The following SRPK2 variants were observed in gnomAD, a reference collection of about 807,000 sequenced individuals.
SRPK2 encodes SRSF protein kinase 2.
Under a neutral mutation model 90.8 loss-of-function variants are expected in SRPK2, and 21 were observed. The observed-to-expected ratio is 0.23, with a 90% CI of 0.16 to 0.33. SRPK2 has a LOEUF of 0.33. Ranked by LOEUF, SRPK2 falls within the 10% of genes least tolerant of loss-of-function variation. The pLI is 1.00. For missense variants in SRPK2, 620 were observed against 869.0 expected (o/e 0.71, Z 3.60); for synonymous variants, 288 against 311.1 (o/e 0.93, Z 0.78).
intron 3 of SRPK2, among the ~76,000 whole-genome samples, chr7:105,174,569 A>G (rs1356246857): frequency 6.6e-6 from 1 of 152,162 alleles, no homozygotes; most frequent in Non-Finnish European, 1.5e-5. Context: ...AATGATTAAA[A>G]AAAGGAAGGG....
chr7:105,183,755 G>C (rs2129600083), intron 3 of SRPK2, among the ~76,000 whole-genome samples: 1 of 152,242 alleles, frequency 6.6e-6, no homozygotes, highest in South Asian at 2.1e-4. Flanking sequence ...CTCCCAAACT[G>C]CTAGGGTTAC....
intron 3 of SRPK2, among the ~76,000 whole-genome samples, chr7:105,182,453 C>CT (rs71152944): frequency 0.035 from 4,080 of 116,480 alleles, 272 homozygotes; most frequent in African/African-American, 0.12. Context: ...CCCCCCCCGC[C>CT]TTTTTTTTTT....
chr7:105,172,766 C>G (rs1020205652), intron 3 of SRPK2, among the ~76,000 whole-genome samples: 6 of 152,144 alleles, frequency 3.9e-5, no homozygotes, highest in Non-Finnish European at 8.8e-5. Context: ...GCTTCCTGGT[C>G]TTAGTACACA....
At chr7:105,130,762 TG>T (rs1801885753) in intron 13 of SRPK2, among the ~76,000 whole-genome samples, 1 of 149,242 alleles carries the variant, frequency 6.7e-6, no homozygotes, top group Admixed American at 6.7e-5. Context: ...CCATGACTTT[TG>T]GGGGGTGGGG....
At chr7:105,380,521 ATTTT>A (rs35323315) in intron 2 of SRPK2, among the ~76,000 whole-genome samples, 10 of 107,284 alleles carry the variant, frequency 9.3e-5, no homozygotes, top group South Asian at 3.1e-4. Flanking sequence ...ACATGCTAAA[ATTTT>A]TTTTTTTTTT....
chr7:105,283,697 T>C (rs1484188319), intron 2 of SRPK2, among the ~76,000 whole-genome samples: 1 of 152,176 alleles, frequency 6.6e-6, no homozygotes, highest in Non-Finnish European at 1.5e-5. Flanking sequence ...AGTGGTAGTT[T>C]CAAAATATTG....
intron 2 of SRPK2, among the ~76,000 whole-genome samples, chr7:105,351,346 C>T (rs1021421807): frequency 1.4e-4 from 22 of 151,968 alleles, no homozygotes; most frequent in South Asian, 2.1e-4. Flanking sequence ...TTATAAATTA[C>T]CCAGTCTTAA....
At chr7:105,149,608 C>G (rs1241614973) in intron 7 of SRPK2, among the ~76,000 whole-genome samples, 2 of 152,190 alleles carry the variant, frequency 1.3e-5, no homozygotes, top group South Asian at 2.1e-4. Context: ...TTTTCTCAGT[C>G]TCTCGTCCCA....
chr7:105,393,730 A>G (rs60101098), upstream of SRPK2, among the ~76,000 whole-genome samples: 427 of 152,074 alleles, frequency 2.8e-3, 10 homozygotes, highest in East Asian at 0.055. Flanking sequence ...TTTTTAGCAT[A>G]TTCACAGCGT....
At chr7:105,273,747 C>G (rs924031223) in intron 2 of SRPK2, among the ~76,000 whole-genome samples, 1 of 152,226 alleles carries the variant, frequency 6.6e-6, no homozygotes, top group African/African-American at 2.4e-5. Context: ...CATTGCTTCC[C>G]TAACGACAGG....
chr7:105,267,619 A>T (rs996506251), intron 2 of SRPK2, among the ~76,000 whole-genome samples: 7 of 152,182 alleles, frequency 4.6e-5, no homozygotes, highest in African/African-American at 1.7e-4. Context: ...CATCATTTTT[A>T]TTTGTGATGC....
chr7:105,134,607 G>C (rs528873091), intron 11 of SRPK2, among the ~76,000 whole-genome samples: 1 of 152,338 alleles, frequency 6.6e-6, no homozygotes, highest in African/African-American at 2.4e-5. Flanking sequence ...CTCTGTTGGG[G>C]TACATACGAG....
intron 15 of SRPK2, among the ~76,000 whole-genome samples, chr7:105,125,398 C>A (rs960128001): frequency 3.9e-5 from 6 of 152,210 alleles, no homozygotes; most frequent in African/African-American, 1.2e-4. Context: ...CCCAGGCAGA[C>A]CAAAAGCAAT....
In SRPK2 at chr7:105,173,756, T is replaced by A. The variant is rs188375274; in HGVS notation, c.230-4491A>T. 1.7e-3 allele frequency among the ~76,000 whole-genome samples: 253 copies of A among 152,196 alleles called. 1 individual carries two copies. Among genetic ancestry groups the A allele is most frequent in the Admixed American group, 6.9e-3 (105 of 15,292 alleles). ...AGAACAGAAAAGGAGTATGGGACAA[T>A]AACACTGCTATGGACCCTGCTAATA... On this transcript the variant is annotated intron_variant, in intron 3 of 15. Coordinates refer to ENST00000393651, the MANE Select transcript of SRPK2 (RefSeq NM_182692.3).
intron 2 of SRPK2, chr7:105,206,030 A>G (rs1300510063): frequency 1.9e-6 from 1 of 518,422 alleles, no homozygotes; most frequent in Non-Finnish European, 3.9e-6. Context: ...TACTGTACTT[A>G]GCACAATGGA....
intron 2 of SRPK2, among the ~76,000 whole-genome samples, chr7:105,348,140 G>A (rs990723495): frequency 4.9e-5 from 7 of 142,240 alleles, no homozygotes; most frequent in African/African-American, 1.8e-4. Context: ...GCAATGGCGC[G>A]ATCTCACTGC....
At chr7:105,368,886 A>G (rs1175038084) in intron 2 of SRPK2, among the ~76,000 whole-genome samples, 1 of 1,416 alleles carries the variant, frequency 7.1e-4, no homozygotes, top group South Asian at 0.071. Context: ...CTCTATCTCA[A>G]AAAAAAAAAA....
At chr7:105,300,131 T>C (rs1430286831) in intron 2 of SRPK2, among the ~76,000 whole-genome samples, 2 of 151,304 alleles carry the variant, frequency 1.3e-5, no homozygotes, top group Admixed American at 6.6e-5. Context: ...CGTGCATCTG[T>C]AGGCCCCGCT....
upstream of SRPK2, among the ~76,000 whole-genome samples, chr7:105,391,658 G>C (rs527299229): frequency 6.6e-6 from 1 of 152,060 alleles, no homozygotes. Context: ...CTGGGCAACA[G>C]AGTGAGACCC....
Sources: allele counts gnomAD v4.1 joint callset (sites outside exome capture counted in the v4.1 genomes callset), GRCh38; gene constraint gnomAD v4.1.1; transcripts MANE v1.5; gene names NCBI Gene and HGNC (gene_info 2026-07-23, HGNC 2026-07-21).